Variants in GRM7 observed in about 807,000 individuals in gnomAD.
GRM7 encodes the protein metabotropic glutamate receptor 7.
GRM7 carries 35 observed loss-of-function variants against 84.5 expected under a neutral mutation model. The ratio of observed to expected loss-of-function variants is 0.41; its 90% confidence interval spans 0.32 to 0.55. The LOEUF is 0.55. GRM7 is among the 20% of genes least tolerant of loss of function. The probability of loss-of-function intolerance (pLI) is 0.19; values close to 1 mark genes in which losing one functional copy is unlikely to be tolerated. For missense variants in GRM7, 1,003 were observed against 1,194.6 expected (o/e 0.84, Z 2.36); for synonymous variants, 487 against 455.1 (o/e 1.07, Z -0.89).
chr3:7,431,464 C>G (rs1182576714), intron 5 of GRM7, among the ~76,000 whole-genome samples: 1 of 152,138 alleles, frequency 6.6e-6, no homozygotes, highest in Non-Finnish European at 1.5e-5. Context: ...TTTGTCAAAA[C>G]TGATTAAACA....
intron 1 of GRM7, among the ~76,000 whole-genome samples, chr3:7,111,790 A>G (rs1475542621): frequency 6.6e-6 from 1 of 152,162 alleles, no homozygotes; most frequent in African/African-American, 2.4e-5. Context: ...TTGGGAAAAA[A>G]TCATTTCTAT....
At chr3:7,497,471 C>T (rs567818552) in intron 7 of GRM7, among the ~76,000 whole-genome samples, 33 of 152,280 alleles carry the variant, frequency 2.2e-4, no homozygotes, top group South Asian at 4.1e-4. Context: ...ACTACAGTCT[C>T]TACCAACATG....
intron 7 of GRM7, among the ~76,000 whole-genome samples, chr3:7,468,080 T>C (rs1257146893): frequency 2.0e-5 from 3 of 152,230 alleles, no homozygotes; most frequent in African/African-American, 7.2e-5. Flanking sequence ...TATGGACTTA[T>C]ACCTGCCTAT....
chr3:7,484,292 AG>A (rs1464738193), intron 7 of GRM7, among the ~76,000 whole-genome samples: 2 of 152,202 alleles, frequency 1.3e-5, no homozygotes, highest in African/African-American at 4.8e-5. Context: ...AGAAGAAATG[AG>A]AGAAGTGGAG....
intron 4 of GRM7, among the ~76,000 whole-genome samples, chr3:7,317,062 C>G (rs1700608605): frequency 6.6e-6 from 1 of 152,122 alleles, no homozygotes; most frequent in African/African-American, 2.4e-5. Flanking sequence ...ATTTCATCAG[C>G]TTCATCAATG....
chr3:6,913,875 T>C (rs972352123), intron 1 of GRM7, among the ~76,000 whole-genome samples: 2 of 152,200 alleles, frequency 1.3e-5, no homozygotes, highest in East Asian at 1.9e-4. Context: ...CTTGGCCTTC[T>C]TGGCGTGCCA....
intron 1 of GRM7, among the ~76,000 whole-genome samples, chr3:7,002,185 G>T (rs191287234): frequency 2.8e-4 from 42 of 152,202 alleles, no homozygotes; most frequent in Middle Eastern, 3.4e-3. Flanking sequence ...TTAAGAGAAG[G>T]TATTATCTAA....
intron 2 of GRM7, among the ~76,000 whole-genome samples, chr3:7,260,685 G>A (rs1006520648): frequency 6.6e-6 from 1 of 151,572 alleles, no homozygotes; most frequent in African/African-American, 2.4e-5. Context: ...GTGTGTGTGT[G>A]TGTGTGTGTG....
chr3:7,321,009 C>T (rs1302721579), intron 4 of GRM7, among the ~76,000 whole-genome samples: 3 of 151,782 alleles, frequency 2.0e-5, no homozygotes, highest in Non-Finnish European at 2.9e-5. Context: ...GCTAATGTAC[C>T]ATTTTGACAA....
intron 1 of GRM7, among the ~76,000 whole-genome samples, chr3:7,024,635 A>C (rs957049320): frequency 6.6e-6 from 1 of 152,200 alleles, no homozygotes; most frequent in African/African-American, 2.4e-5. Flanking sequence ...TGACTTGGTC[A>C]CAAAATCGCA....
At position 7,470,425 on chromosome 3, in the gene GRM7, A is replaced by G. The variant is rs140113840; in HGVS notation, c.1515+8703A>G. On this transcript the variant is annotated intron_variant, in intron 7 of 9. Coordinates refer to ENST00000357716, the MANE Select transcript of GRM7 (RefSeq NM_000844.4). ...TGGAAACATGTACTTGTGTGTATTC[A>G]GAAACATATTGGAAATTAAAGAAAC... 5.1e-4 allele frequency among the ~76,000 whole-genome samples: 78 copies of G among 152,340 alleles called. 1 individual carries two copies. In the East Asian group the frequency reaches 0.013, roughly 26 times the overall value.
intron 2 of GRM7, among the ~76,000 whole-genome samples, chr3:7,220,503 A>G (rs1559509311): frequency 6.6e-6 from 1 of 152,214 alleles, no homozygotes; most frequent in Non-Finnish European, 1.5e-5. Flanking sequence ...GAAAACAAGG[A>G]AAGTTGGAAA....
intron 4 of GRM7, among the ~76,000 whole-genome samples, chr3:7,357,180 A>G (rs1217023001): frequency 1.3e-5 from 2 of 152,018 alleles, no homozygotes; most frequent in African/African-American, 2.4e-5. Flanking sequence ...GTTTTCTAGC[A>G]TAAGCATTTG....
chr3:7,529,854 C>T (rs987525705), intron 7 of GRM7, among the ~76,000 whole-genome samples: 2 of 150,796 alleles, frequency 1.3e-5, no homozygotes, highest in African/African-American at 4.9e-5. Context: ...AACAAATAAG[C>T]TGTTGTTGTT....
intron 8 of GRM7, among the ~76,000 whole-genome samples, chr3:7,610,443 T>C (rs1174624596): frequency 6.6e-6 from 1 of 152,182 alleles, no homozygotes; most frequent in Non-Finnish European, 1.5e-5. Context: ...ACCAGATAGA[T>C]AGGATTTTTT....
intron 9 of GRM7, among the ~76,000 whole-genome samples, chr3:7,703,319 ACCC>A (rs551205795): frequency 8.5e-5 from 13 of 152,130 alleles, no homozygotes; most frequent in Middle Eastern, 3.4e-3. Context: ...TGTTTTAACA[ACCC>A]CCCCAAGTAA....
Position 7,128,121 on chromosome 3 carries a change from A to T in GRM7, c.520-18331A>T, listed in dbSNP as rs1316101051. On this transcript the variant is annotated intron_variant, in intron 1 of 9. Transcript: ENST00000357716. The stretch of plus-strand genomic sequence containing the variant: ...ATATATAATACTTATAATAATATTT[A>T]TGTGGGTCCCTTTACTTTAAAAAAC... Among the ~76,000 whole-genome samples the T allele has an allele frequency of 3.4e-4, 51 of 151,562 alleles. 1 individual carries two copies. Among genetic ancestry groups the T allele is most frequent in the Non-Finnish European group, 5.9e-5 (4 of 67,894 alleles).
At chr3:7,644,122 G>GTTT (rs1553630294) in intron 8 of GRM7, among the ~76,000 whole-genome samples, 1 of 97,294 alleles carries the variant, frequency 1.0e-5, no homozygotes, top group African/African-American at 3.9e-5. Flanking sequence ...TGTGCATGTT[G>GTTT]TGTGTGTGTG....
chr3:7,133,649 G>A (rs1356388253), intron 1 of GRM7, among the ~76,000 whole-genome samples: 3 of 152,182 alleles, frequency 2.0e-5, no homozygotes, highest in African/African-American at 7.2e-5. Flanking sequence ...GCTGGCTCTT[G>A]AGGCCTGGAA....
Sources: gnomAD v4.1 joint callset for allele counts (sites outside exome capture counted in the v4.1 genomes callset) on GRCh38, gnomAD v4.1.1 for gene constraint, MANE v1.5 for transcripts, NCBI Gene and HGNC (gene_info 2026-07-23, HGNC 2026-07-21) for gene names.